The following SORCS1 variants were observed in gnomAD, a reference collection of about 807,000 sequenced individuals.
SORCS1 encodes the protein VPS10 domain-containing receptor SorCS1.
In SORCS1, 60 loss-of-function variants were observed where a neutral mutation model predicts 146.1. That is an observed-to-expected ratio of 0.41 (90% confidence interval 0.33 to 0.51). The LOEUF (loss-of-function observed/expected upper bound fraction) is 0.51, where lower values mean the gene tolerates loss of function less well. Ranked by LOEUF, SORCS1 falls within the 20% of genes least tolerant of loss-of-function variation. The pLI is 0.21. For missense variants in SORCS1, 1,352 were observed against 1,487.6 expected (o/e 0.91, Z 1.50); for synonymous variants, 637 against 584.0 (o/e 1.09, Z -1.31).
At chr10:107,072,788 G>T (rs1269907713) in intron 1 of SORCS1, among the ~76,000 whole-genome samples, 4 of 150,374 alleles carry the variant, frequency 2.7e-5, no homozygotes, top group African/African-American at 9.8e-5. Context: ...GACTGGGAAT[G>T]TTTGAATAAT....
At position 106,972,534 on chromosome 10, in the gene SORCS1, T is replaced by C. The variant is rs577682399; in HGVS notation, c.559-15954A>G. The stretch of plus-strand genomic sequence containing the variant: ...ACAGCAATATGTCTTACCTTTCTTC[T>C]TTTTTTTTTTGGCCGTAAAGTTTGA... On this transcript the variant is annotated intron_variant, in intron 1 of 25. Transcript: ENST00000263054. Among the ~76,000 whole-genome samples the C allele has an allele frequency of 4.5e-5, 6 of 133,748 alleles. No individual in the cohort carries two copies. In the East Asian group the frequency reaches 9.9e-4, roughly 22 times the overall value. The allele number at this position is 133,748 out of a possible 152,430, so 87.7% of individuals were successfully genotyped here. A position where few individuals can be genotyped will look rare whatever the true frequency, so the allele number is the denominator to read the frequency against.
At chr10:106,726,220 G>GT (rs1856162992) in intron 6 of SORCS1, among the ~76,000 whole-genome samples, 1 of 114,584 alleles carries the variant, frequency 8.7e-6, no homozygotes, top group Admixed American at 9.7e-5. Context: ...ACTGTGACAG[G>GT]TCAGGTGTTA....
intron 2 of SORCS1, among the ~76,000 whole-genome samples, chr10:106,886,621 G>T (rs1210475799): frequency 2.0e-5 from 3 of 152,158 alleles, no homozygotes; most frequent in Non-Finnish European, 4.4e-5. Flanking sequence ...AAGAAGGATG[G>T]ATGTTATTAA....
chr10:106,887,087 C>T (rs1457744782), intron 2 of SORCS1, among the ~76,000 whole-genome samples: 1 of 152,086 alleles, frequency 6.6e-6, no homozygotes, highest in Non-Finnish European at 1.5e-5. Flanking sequence ...CAACAGAGTA[C>T]CAGTGAAAGC....
At chr10:107,029,840 A>G (rs1958570459) in intron 1 of SORCS1, among the ~76,000 whole-genome samples, 1 of 152,154 alleles carries the variant, frequency 6.6e-6, no homozygotes, top group East Asian at 1.9e-4. Context: ...TCTTTCTTGT[A>G]TTAGGGACTT....
chr10:107,165,668 A>C (rs569641044), upstream of SORCS1, among the ~76,000 whole-genome samples: 3 of 152,292 alleles, frequency 2.0e-5, no homozygotes, highest in Admixed American at 1.3e-4. The surrounding 1 kb of genome is among the most constrained non-coding windows in gnomAD (Gnocchi z 4.0). Flanking sequence ...ATAACAAATA[A>C]ATACAGGAAA....
chr10:106,823,155 T>C (rs916028860), intron 3 of SORCS1, among the ~76,000 whole-genome samples: 1 of 152,142 alleles, frequency 6.6e-6, no homozygotes, highest in Non-Finnish European at 1.5e-5. Flanking sequence ...GTGTACAAAG[T>C]GACAGATGAA....
intron 13 of SORCS1, among the ~76,000 whole-genome samples, chr10:106,675,748 C>T (rs753430109): frequency 9.2e-5 from 14 of 152,102 alleles, no homozygotes; most frequent in African/African-American, 1.7e-4. Flanking sequence ...AATATCTAAT[C>T]GCCAATATGA....
chr10:106,834,075 G>A lies in SORCS1; in HGVS notation c.627-4402C>T, dbSNP rs533674349. 8.5e-5 allele frequency among the ~76,000 whole-genome samples: 13 copies of A among 152,300 alleles called. No individual in the cohort carries two copies. In the South Asian group the frequency reaches 2.7e-3, roughly 32 times the overall value. ...CCCAAAGTACTGGGATTACAGGCATGAGCCACCACGCCCGGTCATGGAAGG... is the reference window on the plus strand; with the variant it reads ...CCCAAAGTACTGGGATTACAGGCATAAGCCACCACGCCCGGTCATGGAAGG... On this transcript the variant is annotated intron_variant, in intron 2 of 25. Coordinates refer to ENST00000263054, the MANE Select transcript of SORCS1 (RefSeq NM_052918.5).
chr10:107,009,769 C>G (rs1183812133), intron 1 of SORCS1, among the ~76,000 whole-genome samples: 1 of 152,176 alleles, frequency 6.6e-6, no homozygotes, highest in Non-Finnish European at 1.5e-5. Context: ...ACTAAGAAAC[C>G]TGTTTTTTGA....
At chr10:107,177,895 T>C in the SORCS1 span, among the ~76,000 whole-genome samples, 2 of 152,026 alleles carry the variant, frequency 1.3e-5, no homozygotes, top group Non-Finnish European at 2.9e-5. Flanking sequence ...CAAACAGACA[T>C]AGGAACAGAA....
At chr10:107,078,252 C>T (rs1963046681) in intron 1 of SORCS1, among the ~76,000 whole-genome samples, 1 of 152,036 alleles carries the variant, frequency 6.6e-6, no homozygotes, top group African/African-American at 2.4e-5. Flanking sequence ...AACTTATACT[C>T]AGTAAAAGGA....
intron 5 of SORCS1, among the ~76,000 whole-genome samples, chr10:106,734,263 G>A (rs1054198803): frequency 6.6e-6 from 1 of 152,110 alleles, no homozygotes; most frequent in Non-Finnish European, 1.5e-5. Flanking sequence ...GTACATCCTG[G>A]TGTCTGCCTG....
intron 1 of SORCS1, among the ~76,000 whole-genome samples, chr10:107,117,426 C>T (rs1966111270): frequency 6.6e-6 from 1 of 152,200 alleles, no homozygotes; most frequent in South Asian, 2.1e-4. Flanking sequence ...CATTGCTTTG[C>T]TCTCAACAGG....
Position 106,656,180 on chromosome 10 carries a change from A to G in SORCS1, c.2304-3627T>C, listed in dbSNP as rs142447049. Among the ~76,000 whole-genome samples, 20 of 152,256 alleles carry G rather than the reference A, an allele frequency of 1.3e-4. 1 individual carries two copies. Among genetic ancestry groups the G allele is most frequent in the African/African-American group, 4.8e-4 (20 of 41,558 alleles). ...CTATTCTCTTCCTCCCTATTTTGAT[A>G]TGCTTCTGTCACATTTTCCTTTTTG... On this transcript the variant is annotated intron_variant, in intron 17 of 25. Coordinates refer to ENST00000263054, the MANE Select transcript of SORCS1 (RefSeq NM_052918.5).
At chr10:107,035,290 A>AC (rs1491408707) in intron 1 of SORCS1, among the ~76,000 whole-genome samples, 5 of 149,666 alleles carry the variant, frequency 3.3e-5, no homozygotes, top group African/African-American at 1.2e-4. Flanking sequence ...AAAAAAAAAA[A>AC]CACAGAAAAA....
chr10:107,180,979 T>C, the SORCS1 span, among the ~76,000 whole-genome samples: 10 of 152,306 alleles, frequency 6.6e-5, no homozygotes, highest in Admixed American at 4.6e-4. Flanking sequence ...TATTTGTCCA[T>C]CTAAACATAT....
At chr10:106,632,369 G>A (rs1848487840) in intron 18 of SORCS1, among the ~76,000 whole-genome samples, 1 of 152,200 alleles carries the variant, frequency 6.6e-6, no homozygotes, top group Non-Finnish European at 1.5e-5. Context: ...TAAGTGGTAA[G>A]GCTACGGCCA....
chr10:106,990,330 C>T (rs376437284), intron 1 of SORCS1, among the ~76,000 whole-genome samples: 17 of 152,258 alleles, frequency 1.1e-4, no homozygotes, highest in East Asian at 5.8e-4. Flanking sequence ...AGTGCAGTGA[C>T]GTGATCTTGG....
Sources: gnomAD v4.1 joint callset for allele counts (sites outside exome capture counted in the v4.1 genomes callset) on GRCh38, gnomAD v4.1.1 for gene constraint, Gnocchi (gnomAD v3.1) non-coding constraint, MANE v1.5 for transcripts, NCBI Gene and HGNC (gene_info 2026-07-23, HGNC 2026-07-21) for gene names.